The following NBEA variants were observed in gnomAD, a reference collection of about 807,000 sequenced individuals.
The protein encoded by NBEA is neurobeachin.
Under a neutral mutation model 343.4 loss-of-function variants are expected in NBEA, and 44 were observed. The observed-to-expected ratio is 0.13, with a 90% confidence interval of 0.10 to 0.16. The LOEUF is 0.16. Among genes scored for constraint, NBEA ranks in the 10% least tolerant of loss-of-function variants. The pLI is 1.00. For missense variants in NBEA, 2,555 were observed against 3,631.3 expected (o/e 0.70, Z 7.62); for synonymous variants, 1,175 against 1,238.7 (o/e 0.95, Z 1.08).
intron 41 of NBEA, among the ~76,000 whole-genome samples, chr13:35,513,303 T>A (rs2077357665): frequency 2.3e-5 from 1 of 43,922 alleles, no homozygotes; most frequent in African/African-American, 1.1e-4. Flanking sequence ...CACCTGGCAA[T>A]TTTTTTTTTT....
chr13:35,510,317 G>T (rs552176286), intron 41 of NBEA, among the ~76,000 whole-genome samples: 1 of 152,234 alleles, frequency 6.6e-6, no homozygotes, highest in South Asian at 2.1e-4. Context: ...TCATACAACC[G>T]CTCTTTCTTC....
chr13:35,186,018 T>C (rs1355094781), intron 30 of NBEA: 2 of 152,086 alleles, frequency 1.3e-5, no homozygotes, highest in East Asian at 1.9e-4. Flanking sequence ...TAATAATAAT[T>C]ATCGGCCCAG....
At chr13:35,569,607 A>G (rs996552336) in intron 45 of NBEA, among the ~76,000 whole-genome samples, 12 of 152,192 alleles carry the variant, frequency 7.9e-5, no homozygotes, top group African/African-American at 2.9e-4. Context: ...CATGTGCTAT[A>G]TGTCAAACAC....
intron 18 of NBEA, among the ~76,000 whole-genome samples, chr13:35,150,337 T>G (rs1008956065): frequency 2.5e-4 from 38 of 152,152 alleles, no homozygotes; most frequent in African/African-American, 8.7e-4. Context: ...GAAAGAGTCT[T>G]CAACATAAGC....
chr13:35,657,744 A>G (rs1158758095), intron 55 of NBEA, among the ~76,000 whole-genome samples: 1 of 152,220 alleles, frequency 6.6e-6, no homozygotes, highest in African/African-American at 2.4e-5. Context: ...GATAAAAATT[A>G]GAACTTGTTA....
At chr13:35,068,487 GTT>G (rs1416221643) in intron 8 of NBEA, among the ~76,000 whole-genome samples, 1 of 152,132 alleles carries the variant, frequency 6.6e-6, no homozygotes, top group African/African-American at 2.4e-5. Context: ...TTATCTGTGT[GTT>G]TTAATTCAGT....
intron 34 of NBEA, among the ~76,000 whole-genome samples, chr13:35,277,622 CAAAAAAAAAAA>C (rs10603160): frequency 8.0e-5 from 4 of 49,902 alleles, no homozygotes; most frequent in African/African-American, 1.5e-4. Context: ...ACTCCGTCTC[CAAAAAAAAAAA>C]AAAAAAAAAA....
chr13:35,077,239 T>A (rs182466371), intron 10 of NBEA, among the ~76,000 whole-genome samples: 5 of 152,258 alleles, frequency 3.3e-5, no homozygotes, highest in Admixed American at 1.3e-4. Flanking sequence ...GGCTGGTAAC[T>A]TCCAGTGCTT....
chr13:34,942,581 G>A lies in NBEA; in HGVS notation c.-240G>A, dbSNP rs139441577. On this transcript the variant is annotated 5_prime_UTR_variant, in exon 1 of 59. Transcript: ENST00000379939. ...GCTGGGCGGGCACAGCCGCTTGCCC[G>A]GCAGCGGTTAGCGGTACCGCCACCG... The A allele has an allele frequency of 0.047, 11,641 of 247,970 alleles. 419 individuals are homozygous for A. The highest frequency in any genetic ancestry group is 0.062 in the Non-Finnish European group (8,186 of 131,384). 15.4% of individuals were successfully genotyped at this position (247,970 alleles called of 1,614,324 possible). A position where few individuals can be genotyped will look rare whatever the true frequency, so the allele number is the denominator to read the frequency against.
chr13:35,022,318 C>CT (rs2061872275), intron 1 of NBEA, among the ~76,000 whole-genome samples: 1 of 152,034 alleles, frequency 6.6e-6, no homozygotes, highest in Non-Finnish European at 1.5e-5. Flanking sequence ...TAGTCACTCC[C>CT]TTTGTTTTCC....
chr13:35,484,234 A>ATG (rs397851790), intron 41 of NBEA, among the ~76,000 whole-genome samples: 6,611 of 124,612 alleles, frequency 0.053, 224 homozygotes, highest in East Asian at 0.2. Flanking sequence ...CTACATTAAT[A>ATG]TGTGTGTGTG....
intron 10 of NBEA, among the ~76,000 whole-genome samples, chr13:35,080,426 A>G (rs1057379241): frequency 6.6e-6 from 1 of 152,152 alleles, no homozygotes; most frequent in Non-Finnish European, 1.5e-5. Flanking sequence ...AAGAAGATTC[A>G]TACATTCTCT....
At chr13:35,165,587 G>C (rs930588740) in intron 24 of NBEA, among the ~76,000 whole-genome samples, 3 of 151,900 alleles carry the variant, frequency 2.0e-5, no homozygotes, top group East Asian at 3.8e-4. Context: ...TTTTCCTCTG[G>C]TGATTTATAC....
rs1474510198 is a variant in NBEA, at chr13:35,568,007, T to C, written c.7035+990T>C. 2.0e-5 allele frequency among the ~76,000 whole-genome samples: 3 copies of C among 152,196 alleles called. No individual in the cohort carries two copies. The East Asian group carries it at 5.8e-4, about 29-fold the overall frequency. On this transcript the variant is annotated intron_variant, in intron 45 of 58. Coordinates refer to ENST00000379939, the MANE Select transcript of NBEA (RefSeq NM_001385012.1). The stretch of plus-strand genomic sequence containing the variant: ...CTCTGTGACCTAAAGCTAGTTTCTC[T>C]TGTCCCATTTGTAATATGAGAATAA...
At chr13:35,461,403 A>G (rs1169269428) in intron 40 of NBEA, among the ~76,000 whole-genome samples, 1 of 152,164 alleles carries the variant, frequency 6.6e-6, no homozygotes, top group Admixed American at 6.5e-5. Flanking sequence ...CTACAAATTT[A>G]TAGTCATACT....
At chr13:35,282,242 C>T (rs926040920) in intron 34 of NBEA, among the ~76,000 whole-genome samples, 7 of 152,168 alleles carry the variant, frequency 4.6e-5, no homozygotes, top group Admixed American at 2.0e-4. Context: ...GGAAGCATTA[C>T]TATAGCCACT....
chr13:35,509,149 G>A (rs1428902045), intron 41 of NBEA, among the ~76,000 whole-genome samples: 3 of 152,212 alleles, frequency 2.0e-5, no homozygotes, highest in Non-Finnish European at 4.4e-5. Flanking sequence ...CCGTGGCTAT[G>A]GTTCTGCAAA....
At chr13:35,497,386 A>G (rs1294103631) in intron 41 of NBEA, among the ~76,000 whole-genome samples, 3 of 152,132 alleles carry the variant, frequency 2.0e-5, no homozygotes, top group Non-Finnish European at 4.4e-5. Context: ...TTTAATAAGA[A>G]AAATTATTTC....
At chr13:35,136,268 G>A (rs1053883520) in intron 17 of NBEA, among the ~76,000 whole-genome samples, 3 of 152,152 alleles carry the variant, frequency 2.0e-5, no homozygotes, top group African/African-American at 7.2e-5. Flanking sequence ...CCCCACATTA[G>A]AGTGATAGGA....
Sources: gnomAD v4.1 joint callset for allele counts (sites outside exome capture counted in the v4.1 genomes callset) on GRCh38, gnomAD v4.1.1 for gene constraint, MANE v1.5 for transcripts, NCBI Gene and HGNC (gene_info 2026-07-23, HGNC 2026-07-21) for gene names.